RYR2: variants seen among roughly 807,000 people sequenced by gnomAD.
RYR2 encodes ryanodine receptor 2, also known as cardiac muscle ryanodine receptor-calcium release channel.
In RYR2, 227 loss-of-function variants were observed where a neutral mutation model predicts 601.1. The observed-to-expected ratio is 0.38, with a 90% CI of 0.34 to 0.42. The LOEUF is 0.42. Ranked by LOEUF, RYR2 falls within the 10% of genes least tolerant of loss-of-function variation. The pLI, the probability that RYR2 is intolerant of heterozygous loss-of-function variation, is 1.00. For synonymous variants in RYR2, 2,223 were observed against 2,175.1 expected (o/e 1.02, Z -0.61); for missense variants, 4,646 against 6,156.5 (o/e 0.75, Z 8.21).
intron 8 of RYR2, among the ~76,000 whole-genome samples, chr1:237,380,344 C>T (rs1701361207): frequency 1.0e-5 from 1 of 95,420 alleles, no homozygotes; most frequent in African/African-American, 4.5e-5. Context: ...GCACACTTGC[C>T]TTGTAGAATA....
intron 1 of RYR2, among the ~76,000 whole-genome samples, chr1:237,207,690 A>G (rs530562085): frequency 1.3e-5 from 2 of 152,310 alleles, no homozygotes; most frequent in African/African-American, 2.4e-5. Context: ...TTTCTGTTCT[A>G]TATAAATTAC....
At chr1:237,480,585 T>A (rs1440889598) in intron 17 of RYR2, among the ~76,000 whole-genome samples, 1 of 131,268 alleles carries the variant, frequency 7.6e-6, no homozygotes, top group Non-Finnish European at 1.6e-5. Context: ...ACTTCTATAG[T>A]TTGTCTATTT....
Position 237,530,422 on chromosome 1 carries a change from T to A in RYR2, c.2823-5T>A. On this transcript the variant is annotated splice_polypyrimidine_tract_variant and splice_region_variant and intron_variant, in intron 24 of 104. Transcript: ENST00000366574. ...ATCACACTTATCTCTGGTTTTGTTT[T>A]CCAGGACTTTGTTGGCATTAGGATG... The A allele has an allele frequency of 6.2e-7, 1 of 1,601,478 alleles. No homozygotes were observed. Among genetic ancestry groups the A allele is most frequent in the Non-Finnish European group, 8.5e-7 (1 of 1,173,130 alleles).
chr1:237,498,878 A>C (rs1050218929), intron 20 of RYR2, among the ~76,000 whole-genome samples: 2 of 152,168 alleles, frequency 1.3e-5, no homozygotes, highest in Admixed American at 1.3e-4. Context: ...ATTTTTTTTA[A>C]ATGGCAAGAA....
At chr1:237,144,927 T>G (rs887898215) in intron 1 of RYR2, among the ~76,000 whole-genome samples, 2 of 152,174 alleles carry the variant, frequency 1.3e-5, no homozygotes, top group Non-Finnish European at 2.9e-5. Flanking sequence ...CTGAATTTTG[T>G]GTTTATAATT....
At chr1:237,395,116 G>T (rs1702706307) in intron 10 of RYR2, among the ~76,000 whole-genome samples, 1 of 152,134 alleles carries the variant, frequency 6.6e-6, no homozygotes, top group South Asian at 2.1e-4. Context: ...GTGAGGTTTG[G>T]GCGGGGACAC....
At chr1:237,733,963 A>G (rs1690916141) in intron 79 of RYR2, among the ~76,000 whole-genome samples, 1 of 152,230 alleles carries the variant, frequency 6.6e-6, no homozygotes, top group African/African-American at 2.4e-5. Context: ...CTAAACATTC[A>G]TTCATTCAAC....
At chr1:237,499,771 C>T (rs1664438594) in intron 20 of RYR2, among the ~76,000 whole-genome samples, 1 of 152,074 alleles carries the variant, frequency 6.6e-6, no homozygotes. Flanking sequence ...ATTAAAAATA[C>T]AAAGCATGTA....
intron 92 of RYR2, among the ~76,000 whole-genome samples, 179 bp downstream of exon 92, chr1:237,788,314 CCG>C (rs1031992100): frequency 2.0e-5 from 3 of 152,274 alleles, no homozygotes; most frequent in African/African-American, 7.2e-5. Flanking sequence ...CTCTGGCCCA[CCG>C]CTCCCTACTG....
At position 237,791,411 on chromosome 1, in the gene RYR2, A is replaced by G. The variant is rs1381666659; in HGVS notation, c.13477-18A>G. Reference sequence around the variant, plus strand: ...CCTGTTGATTCAGTGACCTTTTCATAATGTTTTTCACCCTCAGAACTATTT... The same window carrying G: ...CCTGTTGATTCAGTGACCTTTTCATGATGTTTTTCACCCTCAGAACTATTT... On this transcript the variant is annotated intron_variant, in intron 92 of 104. Coordinates refer to ENST00000366574, the MANE Select transcript of RYR2 (RefSeq NM_001035.3). The G allele has an allele frequency of 2.7e-5, 38 of 1,399,872 alleles. No individual in the cohort carries two copies. The highest frequency in any genetic ancestry group is 3.6e-5 in the Non-Finnish European group (36 of 1,001,572). 86.7% of individuals were successfully genotyped at this position (1,399,872 alleles called of 1,614,324 possible).
intron 26 of RYR2, 107 bp downstream of exon 26, chr1:237,548,697 A>T (rs560365254): frequency 7.4e-7 from 1 of 1,345,794 alleles, no homozygotes; most frequent in African/African-American, 1.4e-5. Flanking sequence ...TATCATATAG[A>T]TCACATATAG....
At chr1:237,399,928 G>A (rs367827739) in intron 10 of RYR2, among the ~76,000 whole-genome samples, 28 of 152,166 alleles carry the variant, frequency 1.8e-4, no homozygotes, top group African/African-American at 6.3e-4. Context: ...TTGAGTTTGA[G>A]AACAAAGGAT....
chr1:237,824,788 C>T (rs1203083467), intron 101 of RYR2, among the ~76,000 whole-genome samples: 2 of 152,104 alleles, frequency 1.3e-5, no homozygotes, highest in African/African-American at 4.8e-5. Context: ...CATCTCAGCC[C>T]CAAATTTCCT....
At chr1:237,433,841 A>AGAG (rs545633954) in intron 12 of RYR2, among the ~76,000 whole-genome samples, 13,004 of 152,186 alleles carry the variant, frequency 0.085, 709 homozygotes, top group African/African-American at 0.14. Flanking sequence ...TTTCCCATGA[A>AGAG]GAGTACTTAC....
chr1:237,742,493 A>C (rs969414026), intron 80 of RYR2, 144 bp downstream of exon 80: 2 of 654,658 alleles, frequency 3.1e-6, no homozygotes, highest in African/African-American at 1.8e-5. Flanking sequence ...GGATGGACAA[A>C]CCTGAGTCCT....
intron 10 of RYR2, among the ~76,000 whole-genome samples, chr1:237,395,156 A>G (rs1702711372): frequency 6.6e-6 from 1 of 152,162 alleles, no homozygotes; most frequent in Non-Finnish European, 1.5e-5. Flanking sequence ...ATCTTTTAAG[A>G]TCTCAACAAC....
At chr1:237,623,398 T>G in intron 38 of RYR2, among the ~76,000 whole-genome samples, 1 of 138,878 alleles carries the variant, frequency 7.2e-6, no homozygotes, top group South Asian at 2.4e-4. Flanking sequence ...TTTTTTTTTT[T>G]TTTTTTTTTT....
At chr1:237,631,613 ATTT>A (rs556269614) in intron 42 of RYR2, 72 bp downstream of exon 42, 1,130 of 207,816 alleles carry the variant, frequency 5.4e-3, no homozygotes, top group South Asian at 0.012. Context: ...TAGAATGCAG[ATTT>A]TTTTTTTTTT....
chr1:237,708,818 G>T, intron 68 of RYR2, 40 bp from the exon 69 acceptor site: 1 of 1,550,956 alleles, frequency 6.4e-7, no homozygotes, highest in East Asian at 2.3e-5. Context: ...GTTAATGAAT[G>T]GTTTTACAGA....
Sources: allele counts gnomAD v4.1 joint callset (sites outside exome capture counted in the v4.1 genomes callset), GRCh38; gene constraint gnomAD v4.1.1; transcripts MANE v1.5; gene names NCBI Gene and HGNC (gene_info 2026-07-23, HGNC 2026-07-21).